The following GRID2 variants were observed in gnomAD, a reference collection of about 807,000 sequenced individuals.
GRID2 encodes glutamate ionotropic receptor delta type subunit 2, also known as glutamate receptor ionotropic, delta-2.
GRID2 carries 33 observed loss-of-function variants against 114.8 expected under a neutral mutation model. The ratio of observed to expected loss-of-function variants is 0.29; its 90% confidence interval spans 0.22 to 0.38. GRID2 has a LOEUF of 0.38. GRID2 is among the 10% of genes least tolerant of loss of function. The pLI is 1.00. For missense variants in GRID2, 1,184 were observed against 1,257.7 expected (o/e 0.94, Z 0.89); for synonymous variants, 505 against 449.9 (o/e 1.12, Z -1.55).
intron 2 of GRID2, among the ~76,000 whole-genome samples, chr4:92,809,989 C>A (rs989332255): frequency 2.0e-5 from 3 of 152,010 alleles, no homozygotes; most frequent in Admixed American, 2.0e-4. Context: ...TATAGTATTT[C>A]ATCTGATAGA....
intron 1 of GRID2, among the ~76,000 whole-genome samples, chr4:92,507,904 G>C (rs577353439): frequency 1.3e-5 from 2 of 152,060 alleles, no homozygotes; most frequent in African/African-American, 4.8e-5. Flanking sequence ...GCTTTGGGCT[G>C]TGTAGCCTCT....
intron 13 of GRID2, among the ~76,000 whole-genome samples, chr4:93,531,650 A>G (rs2149514132): frequency 6.6e-6 from 1 of 152,240 alleles, no homozygotes; most frequent in East Asian, 1.9e-4. Context: ...GATAAACAAA[A>G]ACAAGTATGA....
intron 14 of GRID2, among the ~76,000 whole-genome samples, chr4:93,649,037 C>G (rs1722356995): frequency 6.6e-6 from 1 of 152,130 alleles, no homozygotes; most frequent in Non-Finnish European, 1.5e-5. Flanking sequence ...ATACAACAGA[C>G]TAACATTCTA....
At chr4:93,578,578 G>C (rs1040412410) in intron 13 of GRID2, among the ~76,000 whole-genome samples, 13 of 129,856 alleles carry the variant, frequency 1.0e-4, no homozygotes, top group Non-Finnish European at 2.1e-4. Flanking sequence ...ACCTTGTCTT[G>C]TTTTTTGTAT....
Position 93,231,378 on chromosome 4 carries a change from C to T in GRID2, c.1125+6603C>T, listed in dbSNP as rs568893414. 8.5e-5 allele frequency among the ~76,000 whole-genome samples: 12 copies of T among 141,806 alleles called. No individual in the cohort carries two copies. In the South Asian group the frequency reaches 2.6e-3, roughly 31 times the overall value. 93.0% of individuals were successfully genotyped at this position (141,806 alleles called of 152,430 possible). A position where few individuals can be genotyped will look rare whatever the true frequency, so the allele number is the denominator to read the frequency against. ...TGCAAACTCATTTATGGAATTACCC[C>T]GCACCCCCTGCCAAAAAAAAAAAAA... On this transcript the variant is annotated intron_variant, in intron 7 of 15. Transcript: ENST00000282020.
chr4:92,853,956 TAACA>T (rs1744002474), intron 2 of GRID2, among the ~76,000 whole-genome samples: 1 of 150,932 alleles, frequency 6.6e-6, no homozygotes, highest in Non-Finnish European at 1.5e-5. Context: ...CATTCCCATG[TAACA>T]AACCTGCACA....
At chr4:93,334,233 T>G (rs1758796752) in intron 8 of GRID2, among the ~76,000 whole-genome samples, 1 of 152,188 alleles carries the variant, frequency 6.6e-6, no homozygotes, top group African/African-American at 2.4e-5. Flanking sequence ...TTCAGTCTAG[T>G]TCACTGTAGA....
At chr4:93,439,071 C>G (rs920726065) in intron 10 of GRID2, among the ~76,000 whole-genome samples, 2 of 152,004 alleles carry the variant, frequency 1.3e-5, no homozygotes, top group African/African-American at 4.8e-5. Context: ...TTTTCTTAAT[C>G]CAGTCTATCG....
At chr4:93,676,849 A>G (rs1292286921) in intron 14 of GRID2, among the ~76,000 whole-genome samples, 1 of 151,874 alleles carries the variant, frequency 6.6e-6, no homozygotes, top group Non-Finnish European at 1.5e-5. Flanking sequence ...AGTGTGAGCG[A>G]TGCAGAAGAC....
At chr4:92,909,286 T>C (rs957456719) in intron 2 of GRID2, among the ~76,000 whole-genome samples, 7 of 151,800 alleles carry the variant, frequency 4.6e-5, no homozygotes, top group Non-Finnish European at 1.0e-4. Flanking sequence ...CAAGAAATGC[T>C]TTAGCAAACC....
chr4:93,617,170 C>A (rs34565291), intron 13 of GRID2, among the ~76,000 whole-genome samples: 20,277 of 152,028 alleles, frequency 0.13, 1,708 homozygotes, highest in Non-Finnish European at 0.19. Flanking sequence ...GAGGCCAACA[C>A]GTCTGTTAGC....
chr4:93,482,914 T>C (rs542865736), intron 11 of GRID2, among the ~76,000 whole-genome samples: 83 of 152,052 alleles, frequency 5.5e-4, no homozygotes, highest in Non-Finnish European at 8.7e-4. Context: ...GAAACCGCAC[T>C]TGTATCTCTT....
At chr4:93,630,503 G>A (rs1330280404) in intron 14 of GRID2, among the ~76,000 whole-genome samples, 1 of 152,108 alleles carries the variant, frequency 6.6e-6, no homozygotes, top group African/African-American at 2.4e-5. Context: ...ATCTTAAGTG[G>A]ATATTGGGAA....
At chr4:93,466,556 G>A (rs1323274848) in intron 11 of GRID2, among the ~76,000 whole-genome samples, 2 of 152,160 alleles carry the variant, frequency 1.3e-5, no homozygotes, top group Non-Finnish European at 2.9e-5. Context: ...TTCTAGGGAA[G>A]GGGTAGTAAC....
At chr4:92,814,284 A>G (rs1245073824) in intron 2 of GRID2, among the ~76,000 whole-genome samples, 2 of 152,182 alleles carry the variant, frequency 1.3e-5, no homozygotes, top group Admixed American at 6.6e-5. Flanking sequence ...TACATAAAGA[A>G]TAAGTAGATA....
chr4:93,700,851 T>C (rs1182112382), intron 14 of GRID2, among the ~76,000 whole-genome samples: 3 of 152,146 alleles, frequency 2.0e-5, no homozygotes, highest in Admixed American at 2.0e-4. Flanking sequence ...ATAATGAATC[T>C]GTTTTATCTT....
intron 14 of GRID2, among the ~76,000 whole-genome samples, chr4:93,651,918 TA>T (rs1343351154): frequency 1.3e-5 from 2 of 152,144 alleles, no homozygotes; most frequent in Non-Finnish European, 2.9e-5. Context: ...GTGAATGAGC[TA>T]TTTTCTGTTT....
chr4:92,860,535 C>T (rs987279077), intron 2 of GRID2, among the ~76,000 whole-genome samples: 1 of 152,022 alleles, frequency 6.6e-6, no homozygotes, highest in African/African-American at 2.4e-5. Context: ...TAAGAGTATA[C>T]AAAACCTGGG....
At chr4:93,234,646 CTTT>C (rs35406159) in intron 7 of GRID2, among the ~76,000 whole-genome samples, 4 of 142,314 alleles carry the variant, frequency 2.8e-5, no homozygotes. Context: ...TTGTCGTCCT[CTTT>C]TTTTTTTTTT....
Sources: gnomAD v4.1 joint callset for allele counts (sites outside exome capture counted in the v4.1 genomes callset) on GRCh38, gnomAD v4.1.1 for gene constraint, MANE v1.5 for transcripts, NCBI Gene and HGNC (gene_info 2026-07-23, HGNC 2026-07-21) for gene names.